Variants in PPP2R2B observed in about 807,000 individuals in gnomAD.
PPP2R2B encodes the protein serine/threonine-protein phosphatase 2A 55 kDa regulatory subunit B beta isoform.
PPP2R2B carries 5 observed loss-of-function variants against 46.0 expected under a neutral mutation model. That is an observed-to-expected ratio of 0.11 (90% CI 0.06 to 0.23). PPP2R2B has a LOEUF of 0.23. Ranked by LOEUF, PPP2R2B falls within the 10% of genes least tolerant of loss-of-function variation. PPP2R2B has a pLI of 1.00. For missense variants in PPP2R2B, 367 were observed against 575.0 expected (o/e 0.64, Z 3.70); for synonymous variants, 215 against 206.7 (o/e 1.04, Z -0.34).
At position 146,589,856 on chromosome 5, in the gene PPP2R2B, T is replaced by A. The variant is rs866346881; in HGVS notation, c.*91A>T. The stretch of plus-strand genomic sequence containing the variant: ...CATTTCCTGTATAGGGAAATTAAAG[T>A]CAATGCATCAAATGAAGACCCAAAG... On this transcript the variant is annotated 3_prime_UTR_variant, in exon 10 of 10. Coordinates refer to ENST00000394411, the MANE Select transcript of PPP2R2B (RefSeq NM_181675.4). 2 of 1,244,004 alleles carry A rather than the reference T, an allele frequency of 1.6e-6. No individual in the cohort carries two copies. Among genetic ancestry groups the A allele is most frequent in the South Asian group, 1.4e-5 (1 of 71,858 alleles). The allele number at this position is 1,244,004 out of a possible 1,614,324, so 77.1% of individuals were successfully genotyped here. A position where few individuals can be genotyped will look rare whatever the true frequency, so the allele number is the denominator to read the frequency against.
At chr5:146,952,725 T>C (rs138851207) in intron 1 of PPP2R2B, among the ~76,000 whole-genome samples, 57 of 152,252 alleles carry the variant, frequency 3.7e-4, no homozygotes, top group African/African-American at 1.3e-3. Flanking sequence ...TAACACCATC[T>C]GTATAGTCTG....
chr5:146,748,750 C>T (rs1242186779), intron 2 of PPP2R2B, among the ~76,000 whole-genome samples: 7 of 152,102 alleles, frequency 4.6e-5, no homozygotes, highest in Non-Finnish European at 5.9e-5. Flanking sequence ...ATGGTATGGA[C>T]GTACCACAGT....
chr5:146,719,902 G>A (rs1780701984), intron 2 of PPP2R2B, among the ~76,000 whole-genome samples: 1 of 152,010 alleles, frequency 6.6e-6, no homozygotes, highest in Admixed American at 6.6e-5. Flanking sequence ...ATTCCCATAT[G>A]GCCATTCCTG....
intron 1 of PPP2R2B, among the ~76,000 whole-genome samples, chr5:146,901,725 G>T (rs1762842671): frequency 6.6e-6 from 1 of 152,062 alleles, no homozygotes; most frequent in Non-Finnish European, 1.5e-5. Context: ...GGAGGAGGAA[G>T]ATTTACTTGG....
intron 1 of PPP2R2B, among the ~76,000 whole-genome samples, chr5:146,896,284 T>C (rs938734494): frequency 6.6e-6 from 1 of 152,160 alleles, no homozygotes; most frequent in Non-Finnish European, 1.5e-5. Context: ...TCACATTAAC[T>C]CTATCTCTCA....
chr5:146,742,273 A>G (rs1440035976), intron 2 of PPP2R2B, among the ~76,000 whole-genome samples: 1 of 152,116 alleles, frequency 6.6e-6, no homozygotes, highest in Non-Finnish European at 1.5e-5. Context: ...GAAGCCTCTG[A>G]TGCAGGGGAC....
chr5:146,927,665 A>C (rs1638389329), intron 1 of PPP2R2B, among the ~76,000 whole-genome samples: 1 of 152,040 alleles, frequency 6.6e-6, no homozygotes, highest in Non-Finnish European at 1.5e-5. Flanking sequence ...TGGTCTCAGA[A>C]TCTTCCTCAG....
Position 146,896,728 on chromosome 5 carries a change from A to G in PPP2R2B, c.79+158937T>C, listed in dbSNP as rs557369843. 1.5e-3 allele frequency among the ~76,000 whole-genome samples: 229 copies of G among 152,068 alleles called. 1 individual carries two copies. The highest frequency in any genetic ancestry group is 7.5e-3 in the South Asian group (36 of 4,810). On this transcript the variant is annotated intron_variant, in intron 1 of 8. Coordinates refer to the PPP2R2B transcript ENST00000336640. The stretch of plus-strand genomic sequence containing the variant: ...GATTCACTTTCCTGTTATTCAGAAC[A>G]TTACACACCTACACACATCAAATAA...
At position 146,650,729 on chromosome 5, in the gene PPP2R2B, GA is replaced by G. The variant is rs568090159; in HGVS notation, c.448-6del. 1.1e-5 allele frequency: 18 copies of G among 1,610,708 alleles called. No homozygotes were observed. The highest frequency in any genetic ancestry group is 1.4e-5 in the Non-Finnish European group (17 of 1,178,632). On this transcript the variant is annotated splice_polypyrimidine_tract_variant and splice_region_variant and intron_variant, in intron 5 of 9. Coordinates refer to ENST00000394411, the MANE Select transcript of PPP2R2B (RefSeq NM_181675.4). ...CATGGGTCTCAGGACAGGCACCTGG[GA>G]TGCAAGAGAAACAAATCACTTCAGA...
At chr5:146,822,177 CAGA>C (rs1387372702) in intron 2 of PPP2R2B, among the ~76,000 whole-genome samples, 4 of 152,172 alleles carry the variant, frequency 2.6e-5, no homozygotes, top group African/African-American at 7.2e-5. Flanking sequence ...GGTAAGATGC[CAGA>C]AGAAGGACTG....
rs1213294610 is a variant in PPP2R2B, at chr5:146,995,568, G to T, written c.79+60097C>A. Among the ~76,000 whole-genome samples, 4 of 152,104 alleles carry T rather than the reference G, an allele frequency of 2.6e-5. No homozygotes were observed. In the East Asian group the frequency reaches 5.8e-4, roughly 22 times the overall value. ...GCCAAAAAATGGAAAAGAAATAAAG[G>T]TTACTTTTAGTATCCATCTCCCACC... On this transcript the variant is annotated intron_variant, in intron 1 of 8. Transcript: ENST00000336640.
chr5:146,698,549 C>T (rs1779342118), intron 3 of PPP2R2B, among the ~76,000 whole-genome samples: 1 of 151,824 alleles, frequency 6.6e-6, no homozygotes, highest in Non-Finnish European at 1.5e-5. Context: ...TAAATACTTA[C>T]ATCGACCCCT....
At chr5:146,657,323 GGAGAAGA>G (rs1014922180) in intron 5 of PPP2R2B, among the ~76,000 whole-genome samples, 2 of 152,140 alleles carry the variant, frequency 1.3e-5, no homozygotes, top group Non-Finnish European at 2.9e-5. Flanking sequence ...GGCAAGACTC[GGAGAAGA>G]GAGAAGAGAT....
At position 146,701,094 on chromosome 5, in the gene PPP2R2B, G is replaced by A. The variant is rs1554126530; in HGVS notation, c.119C>T (p.Ala40Val). Residue 40 changes from alanine to valine, a missense_variant, in exon 3 of 10, where the codon GCG (alanine) becomes GTG (valine). Physicochemically the swap from Ala to Val is moderately conservative, Grantham distance 64 (BLOSUM62 0). This residue lies in a region of PPP2R2B where 361 missense variants were observed against 545.5 expected (regional missense o/e 0.66). Transcript: ENST00000394411. ...VEFNHTGELL[A>V]TGDKGGRVVI... is the part of the protein sequence containing the mutation. ...AACCCGACCCCCCTTGTCCCCTGTC[G>A]CTAGTAATTCTCCCGTGTGGTTGAA... The A allele has an allele frequency of 4.3e-6, 7 of 1,613,952 alleles. No homozygotes were observed. Among genetic ancestry groups the A allele is most frequent in the Non-Finnish European group, 5.1e-6 (6 of 1,179,910 alleles).
At chr5:146,820,914 C>T (rs896653810) in intron 2 of PPP2R2B, among the ~76,000 whole-genome samples, 18 of 152,286 alleles carry the variant, frequency 1.2e-4, no homozygotes, top group African/African-American at 3.9e-4. Context: ...ATATCCCTCT[C>T]ATAAATCTCC....
At chr5:146,715,689 G>T (rs1780457048) in intron 2 of PPP2R2B, among the ~76,000 whole-genome samples, 2 of 152,180 alleles carry the variant, frequency 1.3e-5, no homozygotes, top group African/African-American at 2.4e-5. Flanking sequence ...GACTAGTCGT[G>T]GAGCTGGGAT....
At chr5:147,039,833 G>A (rs909131735) in intron 1 of PPP2R2B, among the ~76,000 whole-genome samples, 2 of 152,130 alleles carry the variant, frequency 1.3e-5, no homozygotes, top group African/African-American at 4.8e-5. Flanking sequence ...ACAGTGCTGT[G>A]TACTCAGTGT....
chr5:146,813,267 C>T (rs1757740529), intron 2 of PPP2R2B, among the ~76,000 whole-genome samples: 1 of 151,982 alleles, frequency 6.6e-6, no homozygotes, highest in African/African-American at 2.4e-5. Context: ...CACAAACACA[C>T]ATACCTCACA....
chr5:146,681,746 G>T (rs914284354), intron 5 of PPP2R2B, among the ~76,000 whole-genome samples: 2 of 152,108 alleles, frequency 1.3e-5, no homozygotes, highest in African/African-American at 4.8e-5. Context: ...CCCTAAAAAG[G>T]CCAGAACTCT....
Sources: gnomAD v4.1 joint callset for allele counts (sites outside exome capture counted in the v4.1 genomes callset) on GRCh38, gnomAD v4.1.1 for gene constraint, gnomAD v4.1.1 regional missense constraint, MANE v1.5 for transcripts, NCBI Gene and HGNC (gene_info 2026-07-23, HGNC 2026-07-21) for gene names.